RADIL: variants seen among roughly 807,000 people sequenced by gnomAD.
RADIL encodes the protein ras-associating and dilute domain-containing protein.
A neutral mutation model predicts 97.6 loss-of-function variants in RADIL; 99 were observed. The observed-to-expected ratio is 1.01, with a 90% CI of 0.86 to 1.20. The LOEUF is 1.20. Among genes scored for constraint, RADIL ranks in the 50% most tolerant of loss-of-function variants. The pLI is 0.00. For synonymous variants in RADIL, 803 were observed against 691.8 expected, an observed-to-expected ratio of 1.16 and a Z score of -2.52; for missense variants, 1,765 against 1,498.9, an observed-to-expected ratio of 1.18 and a Z score of -2.93.
chr7:4,809,303 C>CG, intron 9 of RADIL: 1 of 985,392 alleles, frequency 1.0e-6, no homozygotes, highest in Non-Finnish European at 1.2e-6. Flanking sequence ...TTCCTGCCCT[C>CG]GGCTCGGCCT....
rs1782645917 is a variant in RADIL at position 4,815,193 on chromosome 7, C to T, written c.2139+85G>A. 1 of 1,418,562 alleles carries T rather than the reference C, an allele frequency of 7.0e-7. No homozygotes were observed. The allele number at this position is 1,418,562 out of a possible 1,614,324, so 87.9% of individuals were successfully genotyped here. ...TCCAGCCAAGAAGCCCCGTCCCGGC[C>T]CCCAGGCTTGGTTTGTGAGCCAGGG... On this transcript the variant is annotated intron_variant, in intron 9 of 14. Coordinates refer to ENST00000399583, the MANE Select transcript of RADIL (RefSeq NM_018059.5). The surrounding 1 kb of genome is among the most constrained non-coding windows in gnomAD (Gnocchi z 8.0).
intron 5 of RADIL, among the ~76,000 whole-genome samples, chr7:4,825,497 G>A (rs1455731215): frequency 6.6e-6 from 1 of 152,198 alleles, no homozygotes; most frequent in African/African-American, 2.4e-5. Context: ...GAGAGGTTGT[G>A]AGTGAGAAAG....
In RADIL at chr7:4,837,377, G is replaced by A. The variant is rs1287972975; in HGVS notation, c.536-772C>T. On this transcript the variant is annotated intron_variant, in intron 2 of 14. Transcript: ENST00000399583. The surrounding 1 kb of genome is among the most constrained non-coding windows in gnomAD (Gnocchi z 5.6). The stretch of plus-strand genomic sequence containing the variant: ...ACTCCCCTGGGGGTGGTGCTCTGAC[G>A]AGACGAGACGGACTGGTCAGCATCC... Among the ~76,000 whole-genome samples the A allele has an allele frequency of 1.3e-5, 2 of 152,188 alleles. No homozygotes were observed. Among genetic ancestry groups the A allele is most frequent in the South Asian group, 2.1e-4 (1 of 4,830 alleles).
intron 5 of RADIL, among the ~76,000 whole-genome samples, chr7:4,831,542 G>T (rs908063913): frequency 3.6e-5 from 3 of 82,982 alleles, no homozygotes; most frequent in Non-Finnish European, 7.3e-5. Flanking sequence ...AATAAAAGTG[G>T]AAAATAAATA....
chr7:4,874,514 G>A (rs1314723346), intron 2 of RADIL, among the ~76,000 whole-genome samples: 1 of 152,220 alleles, frequency 6.6e-6, no homozygotes, highest in Admixed American at 6.5e-5. Context: ...TGGCATGGCT[G>A]AGGGTCACAG....
At chr7:4,812,112 C>T (rs1342519436) in intron 9 of RADIL, among the ~76,000 whole-genome samples, 1 of 151,836 alleles carries the variant, frequency 6.6e-6, no homozygotes, top group East Asian at 1.9e-4. Context: ...AACTCATGGT[C>T]TCAAGGGATC....
intron 2 of RADIL, among the ~76,000 whole-genome samples, chr7:4,871,892 C>A (rs1421615148): frequency 2.6e-5 from 4 of 152,158 alleles, no homozygotes; most frequent in Non-Finnish European, 5.9e-5. Flanking sequence ...TAGCCTGAAC[C>A]TTCCTGGCTA....
chr7:4,838,844 G>A (rs991545789), intron 2 of RADIL, among the ~76,000 whole-genome samples: 3 of 152,266 alleles, frequency 2.0e-5, no homozygotes, highest in East Asian at 1.9e-4. Flanking sequence ...TGGCACAGCC[G>A]TGGGCATGGC....
intron 2 of RADIL, chr7:4,861,194 C>A (rs369120981): frequency 3.1e-6 from 5 of 1,614,186 alleles, no homozygotes; most frequent in East Asian, 2.2e-5. Flanking sequence ...ATCGGTTACC[C>A]GGCAACCATT....
chr7:4,861,747 C>T (rs2115034406), intron 2 of RADIL: 1 of 1,503,562 alleles, frequency 6.7e-7, no homozygotes, highest in Non-Finnish European at 8.9e-7. Flanking sequence ...GAGGAGACGC[C>T]GTAGCGATTC....
At chr7:4,859,074 C>A (rs1486723898) in intron 2 of RADIL, 1 of 152,092 alleles carries the variant, frequency 6.6e-6, no homozygotes, top group African/African-American at 2.4e-5. Context: ...TGGTTGATGT[C>A]AAAAACATAC....
intron 5 of RADIL, among the ~76,000 whole-genome samples, chr7:4,825,554 GAAGA>G (rs1782950687): frequency 6.6e-6 from 1 of 151,978 alleles, no homozygotes. Context: ...AGGAAGAAAG[GAAGA>G]AAGAAAGAAA....
At chr7:4,863,937 G>C (rs953180284) in intron 2 of RADIL, among the ~76,000 whole-genome samples, 2 of 152,164 alleles carry the variant, frequency 1.3e-5, no homozygotes, top group African/African-American at 4.8e-5. Context: ...GAGGTTTCAA[G>C]GTATCCCTTT....
chr7:4,808,012 TC>T (rs1197336281), intron 9 of RADIL, among the ~76,000 whole-genome samples: 2 of 48,426 alleles, frequency 4.1e-5, no homozygotes, highest in Non-Finnish European at 7.3e-5. Context: ...CCCTCCTCCC[TC>T]TCCTCTCCCT....
chr7:4,829,119 C>G (rs993248304), intron 5 of RADIL, among the ~76,000 whole-genome samples: 4 of 152,102 alleles, frequency 2.6e-5, no homozygotes, highest in Non-Finnish European at 5.9e-5. Context: ...GCAAACTTCT[C>G]CTCAACACTG....
Position 4,801,840 on chromosome 7 carries a change from G to T in RADIL, c.2655C>A (p.Pro885=). Reference sequence around the variant, plus strand: ...GGCCAGCCTGGGAGCCCCCACGGCTGGGTTGCCTTCCAGGGGGGGCCTGTG... The same window carrying T: ...GGCCAGCCTGGGAGCCCCCACGGCTTGGTTGCCTTCCAGGGGGGGCCTGTG... The part of the protein sequence containing the change: ...PWAQAPPGRQ[P]SRGGSQAGPP... Residue 885 remains proline, a synonymous_variant, in exon 12 of 15, where the codon CCC becomes CCA. Transcript: ENST00000399583. 6.2e-7 allele frequency: 1 copy of T among 1,600,126 alleles called. No homozygotes were observed. The highest frequency in any genetic ancestry group is 8.5e-7 in the Non-Finnish European group (1 of 1,174,180).
At chr7:4,829,385 C>T (rs918796191) in intron 5 of RADIL, among the ~76,000 whole-genome samples, 2 of 152,152 alleles carry the variant, frequency 1.3e-5, no homozygotes, top group East Asian at 1.9e-4. Context: ...GGAAGGCGTT[C>T]GGAGCTCAGC....
In RADIL at chr7:4,803,679, G is replaced by T. The variant is rs1280473571; in HGVS notation, c.2366C>A (p.Ala789Asp). 1.3e-6 allele frequency: 2 copies of T among 1,557,626 alleles called. No individual in the cohort carries two copies. The highest frequency in any genetic ancestry group is 1.7e-6 in the Non-Finnish European group (2 of 1,151,448). ...PSDGFQVDLE[A>D]NCLDDSIYQH... ...GTAGATGCTGTCGTCCAGGCAGTTGGCTTCCAAGTCCACCTGGAAGCCGTC... is the reference window on the plus strand; with the variant it reads ...GTAGATGCTGTCGTCCAGGCAGTTGTCTTCCAAGTCCACCTGGAAGCCGTC... Residue 789 changes from alanine (A) to aspartate (D), a missense_variant, in exon 11 of 15, where the codon GCC becomes GAC. By Grantham distance (126) the Ala-to-Asp change is moderately radical. Transcript: ENST00000399583.
chr7:4,868,595 G>C (rs1164395291), intron 2 of RADIL, among the ~76,000 whole-genome samples: 1 of 152,194 alleles, frequency 6.6e-6, no homozygotes, highest in African/African-American at 2.4e-5. Flanking sequence ...CTGCAAACTT[G>C]TGCCAGCTTC....
Sources: gnomAD v4.1 joint callset for allele counts (sites outside exome capture counted in the v4.1 genomes callset) on GRCh38, gnomAD v4.1.1 for gene constraint, Gnocchi (gnomAD v3.1) non-coding constraint, MANE v1.5 for transcripts, NCBI Gene and HGNC (gene_info 2026-07-23, HGNC 2026-07-21) for gene names.